Variants in DHX37 observed in about 807,000 individuals in gnomAD.
DHX37 encodes the protein DEAH-box helicase 37, also known as probable ATP-dependent RNA helicase DHX37.
Under a neutral mutation model 134.3 loss-of-function variants are expected in DHX37, and 52 were observed. The observed-to-expected ratio is 0.39, with a 90% CI of 0.31 to 0.49. The LOEUF (loss-of-function observed/expected upper bound fraction) is 0.49, where lower values mean the gene tolerates loss of function less well. Ranked by LOEUF, DHX37 falls within the 20% of genes least tolerant of loss-of-function variation. DHX37 has a pLI of 0.93. For missense variants in DHX37, 1,344 were observed against 1,580.8 expected (o/e 0.85, Z 2.54); for synonymous variants, 634 against 670.7 (o/e 0.95, Z 0.85).
chr12:124,965,485 C>A lies in DHX37; in HGVS notation c.1735+183G>T, dbSNP rs770547700. ...GCGTCCCTCAGCAAGGGGTTGGCAG[C>A]CCCCATTACATTCAACATGGCAAAT... On this transcript the variant is annotated intron_variant, in intron 13 of 26. Coordinates refer to ENST00000308736, the MANE Select transcript of DHX37 (RefSeq NM_032656.4). Among the ~76,000 whole-genome samples the A allele has an allele frequency of 1.4e-3, 211 of 152,228 alleles. 1 individual carries two copies. Among genetic ancestry groups the A allele is most frequent in the Non-Finnish European group, 2.5e-3 (168 of 68,028 alleles).
intron 10 of DHX37, 62 bp from the exon 11 acceptor site, chr12:124,967,280 A>T: frequency 6.4e-7 from 1 of 1,553,496 alleles, no homozygotes. Context: ...GCTTAGCAAA[A>T]GCACCTGCCA....
intron 17 of DHX37, 63 bp from the exon 18 acceptor site, chr12:124,956,942 C>A: frequency 6.5e-7 from 1 of 1,538,536 alleles, no homozygotes; most frequent in Non-Finnish European, 8.8e-7. Context: ...GCTGGGAGGC[C>A]CCACGCTTGA....
At chr12:124,972,359 TA>T (rs1158444283) in intron 7 of DHX37, 143 bp downstream of exon 7, 2 of 772,464 alleles carry the variant, frequency 2.6e-6, no homozygotes, top group Non-Finnish European at 4.4e-6. Flanking sequence ...AGAGGTTAAG[TA>T]ACTCACCCAA....
chr12:124,952,626 C>T, intron 20 of DHX37, 56 bp from the exon 21 acceptor site: 1 of 1,497,182 alleles, frequency 6.7e-7, no homozygotes, highest in South Asian at 1.3e-5. Flanking sequence ...GCCAGCTCTG[C>T]CCTGACCTCC....
intron 3 of DHX37, among the ~76,000 whole-genome samples, chr12:124,981,999 T>C (rs1954770578): frequency 6.6e-6 from 1 of 151,684 alleles, no homozygotes. Flanking sequence ...GGTGCATGCC[T>C]GTAATCCCAG....
intron 6 of DHX37, among the ~76,000 whole-genome samples, chr12:124,975,040 C>T (rs745534602): frequency 8.5e-5 from 13 of 152,052 alleles, no homozygotes; most frequent in Admixed American, 2.0e-4. Context: ...CCTCCCAAAG[C>T]GCTGGAATTA....
intron 2 of DHX37, among the ~76,000 whole-genome samples, chr12:124,984,826 G>C (rs1954832754): frequency 6.6e-6 from 1 of 152,180 alleles, no homozygotes; most frequent in African/African-American, 2.4e-5. Flanking sequence ...TCAAAGACGT[G>C]TTCGTATCCC....
intron 18 of DHX37, 41 bp from the exon 19 acceptor site, chr12:124,954,252 C>G: frequency 6.5e-7 from 1 of 1,528,818 alleles, no homozygotes; most frequent in Non-Finnish European, 8.8e-7. Flanking sequence ...GGGGCCTCGG[C>G]TGCGCTCAGG....
chr12:124,982,150 C>A (rs543355219), intron 3 of DHX37, among the ~76,000 whole-genome samples: 1 of 151,034 alleles, frequency 6.6e-6, no homozygotes. Flanking sequence ...AAAAACACGA[C>A]ACAAACCAAA....
Position 124,950,443 on chromosome 12 carries a change from GC to G in DHX37, c.3090del (p.Arg1031GlyfsTer62). On this transcript the variant is annotated frameshift_variant, in exon 23 of 27. Coordinates refer to ENST00000308736, the MANE Select transcript of DHX37 (RefSeq NM_032656.4). LOFTEE classifies it high-confidence loss of function. ...EPAPTYCPER[G>X]RVLCHRASVF... is the part of the protein sequence containing the mutation. The stretch of plus-strand genomic sequence containing the variant: ...ACGCTGGCCCGGTGACACAGCACCC[GC>G]CCCCGCTCGGGGCAGTATGTAGGGG... The G allele has an allele frequency of 6.3e-7, 1 of 1,592,426 alleles. No homozygotes were observed. The highest frequency in any genetic ancestry group is 1.1e-5 in the South Asian group (1 of 88,142).
Position 124,950,708 on chromosome 12 carries a change from TG to T in DHX37, c.2964del (p.Thr989LeufsTer5). The stretch of plus-strand genomic sequence containing the variant: ...TCGGCACCTTTCATGTACATCTTAG[TG>T]GTCTCCACGATTTCCTGGTAGACCA... The part of the protein sequence containing the change: ...EFVVYQEIVE[T>X]TKMYMKGVSS... On this transcript the variant is annotated frameshift_variant, in exon 22 of 27. Transcript: ENST00000308736. LOFTEE classifies it high-confidence loss of function. 6.2e-7 allele frequency: 1 copy of T among 1,612,080 alleles called. No individual in the cohort carries two copies. Among genetic ancestry groups the T allele is most frequent in the Non-Finnish European group, 8.5e-7 (1 of 1,179,394 alleles).
At position 124,989,073 on chromosome 12, in the gene DHX37, C is replaced by T; in HGVS notation, c.-51G>A. ...CAGCGGCCGGACCAGCAGAGCAATCCGAAACCCAGCCCACGTGGGTTCCCA... is the reference window on the plus strand; with the variant it reads ...CAGCGGCCGGACCAGCAGAGCAATCTGAAACCCAGCCCACGTGGGTTCCCA... On this transcript the variant is annotated 5_prime_UTR_variant, in exon 1 of 27. Transcript: ENST00000308736. The T allele has an allele frequency of 2.4e-6, 3 of 1,237,476 alleles. No homozygotes were observed. The highest frequency in any genetic ancestry group is 3.1e-6 in the Non-Finnish European group (3 of 969,926). 76.7% of individuals were successfully genotyped at this position (1,237,476 alleles called of 1,614,324 possible). A position where few individuals can be genotyped will look rare whatever the true frequency, so the allele number is the denominator to read the frequency against.
At chr12:124,975,533 C>T (rs1954621306) in intron 5 of DHX37, 22 bp from the exon 6 acceptor site, 2 of 1,610,318 alleles carry the variant, frequency 1.2e-6, no homozygotes. Flanking sequence ...AGAACATGGC[C>T]ATCAACAGTG....
At position 124,986,131 on chromosome 12, in the gene DHX37, G is replaced by A. The variant is rs1251796776; in HGVS notation, c.241C>T (p.Gln81Ter). 2 of 1,614,126 alleles carry A rather than the reference G, an allele frequency of 1.2e-6. No individual in the cohort carries two copies. The highest frequency in any genetic ancestry group is 1.7e-6 in the Non-Finnish European group (2 of 1,180,024). Residue 81 changes from glutamine (Q) to a stop codon, truncating the protein, a stop_gained, in exon 2 of 27, where the codon CAG (glutamine) becomes TAG (stop). Transcript: ENST00000308736. LOFTEE classifies it high-confidence loss of function. The part of the protein sequence containing the change: ...PLTKKEKKVL[Q>*]KILEQKEKKS... ...TTCTCCTTCTGTTCTAAGATTTTCT[G>A]CAGCACTTTCTTCTCCTTCTTGGTC... is the stretch of plus-strand genomic sequence containing the variant.
At chr12:124,972,427 A>C in intron 7 of DHX37, 76 bp downstream of exon 7, 1 of 1,511,550 alleles carries the variant, frequency 6.6e-7, no homozygotes, top group Admixed American at 1.7e-5. Flanking sequence ...CCGGCTGCTC[A>C]TATCCCAGGT....
At position 124,980,114 on chromosome 12, in the gene DHX37, G is replaced by A. The variant is rs1187408366; in HGVS notation, c.738+376C>T. Among the ~76,000 whole-genome samples, 1 of 152,216 alleles carries A rather than the reference G, an allele frequency of 6.6e-6. No individual in the cohort carries two copies. Among genetic ancestry groups the A allele is most frequent in the Admixed American group, 6.5e-5 (1 of 15,286 alleles). ...GAATATTCCCATTTTACAGATGCGC[G>A]GGAAGTGAGCTGGAGAGCAGGGGAA... On this transcript the variant is annotated intron_variant, in intron 4 of 26. Coordinates refer to ENST00000308736, the MANE Select transcript of DHX37 (RefSeq NM_032656.4). The surrounding 1 kb of genome is among the most constrained non-coding windows in gnomAD (Gnocchi z 5.3).
chr12:124,986,380 G>A (rs1954873150), intron 1 of DHX37, 115 bp from the exon 2 acceptor site: 3 of 1,130,358 alleles, frequency 2.7e-6, no homozygotes, highest in Non-Finnish European at 3.8e-6. Flanking sequence ...GGAACAGGGG[G>A]ATCTGTGAGC....
intron 6 of DHX37, 133 bp downstream of exon 6, chr12:124,975,286 G>T: frequency 1.1e-6 from 1 of 878,578 alleles, no homozygotes; most frequent in Non-Finnish European, 1.8e-6. Flanking sequence ...ATGATTCCCA[G>T]TGCTACATGC....
intron 16 of DHX37, among the ~76,000 whole-genome samples, chr12:124,959,677 C>T (rs142577162): frequency 5.3e-5 from 8 of 152,330 alleles, no homozygotes; most frequent in South Asian, 4.1e-4. Context: ...GACAGTGGGA[C>T]GGGCTTCACC....
Sources: gnomAD v4.1 joint callset for allele counts (sites outside exome capture counted in the v4.1 genomes callset) on GRCh38, gnomAD v4.1.1 for gene constraint, Gnocchi (gnomAD v3.1) non-coding constraint, MANE v1.5 for transcripts, NCBI Gene and HGNC (gene_info 2026-07-23, HGNC 2026-07-21) for gene names.